SMYD3: variants seen among roughly 807,000 people sequenced by gnomAD.
SMYD3 encodes the protein histone-lysine N-methyltransferase SMYD3.
A neutral mutation model predicts 57.7 loss-of-function variants in SMYD3; 36 were observed. The observed-to-expected ratio is 0.62, with a 90% CI of 0.48 to 0.82. The LOEUF is 0.82. SMYD3 is among the 40% of genes least tolerant of loss of function. SMYD3 has a pLI of 0.00. For missense variants in SMYD3, 515 were observed against 538.8 expected, an observed-to-expected ratio of 0.96 and a Z score of 0.44; for synonymous variants, 211 against 195.0, an observed-to-expected ratio of 1.08 and a Z score of -0.68.
At chr1:246,273,575 C>CTTTTTTTTTT (rs75025399) in intron 5 of SMYD3, among the ~76,000 whole-genome samples, 3 of 84,382 alleles carry the variant, frequency 3.6e-5, no homozygotes, top group East Asian at 4.5e-4. Context: ...TTTCACTAAT[C>CTTTTTTTTTT]TTTTTTTTTT....
At chr1:245,881,351 T>C (rs1219506299) in intron 8 of SMYD3, among the ~76,000 whole-genome samples, 2 of 152,192 alleles carry the variant, frequency 1.3e-5, no homozygotes, top group African/African-American at 4.8e-5. Context: ...TAGGTCTTGG[T>C]ATGGGGAAGT....
At chr1:246,215,958 T>C (rs2063157306) in intron 5 of SMYD3, among the ~76,000 whole-genome samples, 1 of 152,090 alleles carries the variant, frequency 6.6e-6, no homozygotes, top group African/African-American at 2.4e-5. Context: ...GGAAACCGAA[T>C]AGAGAGCGAA....
intron 5 of SMYD3, among the ~76,000 whole-genome samples, chr1:246,028,932 T>C (rs1484711909): frequency 6.6e-6 from 1 of 152,148 alleles, no homozygotes; most frequent in Non-Finnish European, 1.5e-5. Flanking sequence ...AATTCACATA[T>C]TTACAGCCAA....
intron 10 of SMYD3, among the ~76,000 whole-genome samples, chr1:245,807,745 C>T (rs990254602): frequency 6.6e-6 from 1 of 150,786 alleles, no homozygotes; most frequent in Admixed American, 6.6e-5. Context: ...CTGATCAAAG[C>T]TGAATTATTA....
rs949150254 is a variant in SMYD3 at position 246,507,269 on chromosome 1, T to C, written c.-52A>G. 3 of 1,440,600 alleles carry C rather than the reference T, an allele frequency of 2.1e-6. No homozygotes were observed. Among genetic ancestry groups the C allele is most frequent in the Non-Finnish European group, 1.8e-6 (2 of 1,090,506 alleles). The allele number at this position is 1,440,600 out of a possible 1,614,324, so 89.2% of individuals were successfully genotyped here. On this transcript the variant is annotated 5_prime_UTR_variant, in exon 1 of 12. Transcript: ENST00000490107. ...GGCTACCCGCGTCCAGCAGCGGGCGTCTCACGGGCTGCCGGGACCCGCGCG... is the reference window on the plus strand; with the variant it reads ...GGCTACCCGCGTCCAGCAGCGGGCGCCTCACGGGCTGCCGGGACCCGCGCG...
At chr1:246,373,727 T>C (rs909844232) in intron 1 of SMYD3, among the ~76,000 whole-genome samples, 1 of 152,366 alleles carries the variant, frequency 6.6e-6, no homozygotes, top group African/African-American at 2.4e-5. Context: ...TGATGGTTCA[T>C]ATTTTATCAT....
chr1:246,124,027 T>C (rs1178733500), intron 5 of SMYD3, among the ~76,000 whole-genome samples: 2 of 152,242 alleles, frequency 1.3e-5, no homozygotes, highest in Non-Finnish European at 2.9e-5. Context: ...TTTAAGATCC[T>C]TTCCACAAAA....
intron 7 of SMYD3, among the ~76,000 whole-genome samples, chr1:245,924,269 T>C (rs1484295786): frequency 3.9e-5 from 6 of 152,062 alleles, no homozygotes; most frequent in African/African-American, 1.4e-4. Flanking sequence ...ACTTAAATGA[T>C]ATTACACATC....
intron 10 of SMYD3, among the ~76,000 whole-genome samples, chr1:245,838,193 G>A (rs932371419): frequency 2.0e-5 from 3 of 152,228 alleles, no homozygotes; most frequent in Admixed American, 6.5e-5. Flanking sequence ...TGCAATGACA[G>A]GTGTGTGGGT....
chr1:245,773,229 C>T (rs7524736), intron 10 of SMYD3, among the ~76,000 whole-genome samples: 26,884 of 151,906 alleles, frequency 0.18, 2,713 homozygotes, highest in East Asian at 0.48. Flanking sequence ...GGGGCTTGGG[C>T]AGCAACACAC....
chr1:246,295,039 GAAT>G (rs1361042029), intron 5 of SMYD3, among the ~76,000 whole-genome samples: 2 of 152,090 alleles, frequency 1.3e-5, no homozygotes, highest in Non-Finnish European at 2.9e-5. Context: ...TATTCACTGT[GAAT>G]AATATGTAAT....
Position 245,936,707 on chromosome 1 carries a change from C to T in SMYD3, c.532-6770G>A, listed in dbSNP as rs554754249. On this transcript the variant is annotated intron_variant, in intron 5 of 11. Coordinates refer to ENST00000490107, the MANE Select transcript of SMYD3 (RefSeq NM_001167740.2). ...CCCAGAAGTTTGAGACCAGCTTGGG[C>T]AACATGGCAAAACCTCGCCACTATA... Among the ~76,000 whole-genome samples, 77 of 152,200 alleles carry T rather than the reference C, an allele frequency of 5.1e-4. 2 individuals are homozygous for T. Among genetic ancestry groups the T allele is most frequent in the African/African-American group, 1.8e-3 (75 of 41,532 alleles).
intron 5 of SMYD3, among the ~76,000 whole-genome samples, chr1:246,042,844 C>T (rs1375460329): frequency 1.3e-5 from 2 of 152,126 alleles, no homozygotes; most frequent in Non-Finnish European, 2.9e-5. Flanking sequence ...AAAGCTTTGA[C>T]CACACATTCT....
intron 1 of SMYD3, among the ~76,000 whole-genome samples, chr1:246,473,759 C>T (rs1015305254): frequency 3.3e-5 from 5 of 152,066 alleles, no homozygotes; most frequent in Admixed American, 2.0e-4. Context: ...TTTTTTGGGG[C>T]GAGGGGGTAC....
rs2001999 is a variant in SMYD3 at position 245,837,163 on chromosome 1, C to A, written c.1076+21333G>T. ...CCTACATGGTGAAACCCCATCTCTA[C>A]TAAAAATACAAAAATGAGCCAGGCA... On this transcript the variant is annotated intron_variant, in intron 10 of 11. Transcript: ENST00000490107. Among the ~76,000 whole-genome samples the A allele has an allele frequency of 2.3e-3, 349 of 150,246 alleles. 3 individuals are homozygous for A. Among genetic ancestry groups the A allele is most frequent in the East Asian group, 0.016 (79 of 5,064 alleles).
intron 2 of SMYD3, among the ~76,000 whole-genome samples, chr1:246,339,650 C>G (rs1443673631): frequency 6.6e-6 from 1 of 152,164 alleles, no homozygotes; most frequent in Non-Finnish European, 1.5e-5. Flanking sequence ...ATCAAGCATC[C>G]CACTGCAGGG....
chr1:246,194,164 T>C (rs1016478058), intron 5 of SMYD3, among the ~76,000 whole-genome samples: 3 of 152,164 alleles, frequency 2.0e-5, no homozygotes, highest in Non-Finnish European at 4.4e-5. Context: ...TATTAACCTG[T>C]GGGTTGTTGT....
intron 2 of SMYD3, among the ~76,000 whole-genome samples, chr1:246,339,009 G>A (rs958059766): frequency 7.1e-6 from 1 of 140,496 alleles, no homozygotes; most frequent in African/African-American, 3.3e-5. Context: ...CCATGACGGT[G>A]GAAAACTTGT....
intron 11 of SMYD3, among the ~76,000 whole-genome samples, chr1:245,763,711 A>C (rs906818890): frequency 6.6e-6 from 1 of 152,182 alleles, no homozygotes; most frequent in African/African-American, 2.4e-5. Context: ...AACAAGGTCA[A>C]CTTGCTAAAC....
Sources: gnomAD v4.1 joint callset for allele counts (sites outside exome capture counted in the v4.1 genomes callset) on GRCh38, gnomAD v4.1.1 for gene constraint, MANE v1.5 for transcripts, NCBI Gene and HGNC (gene_info 2026-07-23, HGNC 2026-07-21) for gene names.